RUNX1: variants seen among roughly 807,000 people sequenced by gnomAD.
RUNX1 encodes RUNX family transcription factor 1, also known as runt-related transcription factor 1.
RUNX1 carries 19 observed loss-of-function variants against 42.8 expected under a neutral mutation model. That is an observed-to-expected ratio of 0.44 (90% CI 0.31 to 0.65). The LOEUF is 0.65. Among genes scored for constraint, RUNX1 ranks in the 30% least tolerant of loss-of-function variants. RUNX1 has a pLI of 0.07. For missense variants in RUNX1, 528 were observed against 672.0 expected (o/e 0.79, Z 2.37); for synonymous variants, 271 against 289.4 (o/e 0.94, Z 0.64).
intron 7 of RUNX1, among the ~76,000 whole-genome samples, chr21:34,801,934 G>A (rs1233284716): frequency 6.6e-6 from 1 of 151,878 alleles, no homozygotes; most frequent in Non-Finnish European, 1.5e-5. Flanking sequence ...TGAGCAACTG[G>A]GTGACATTGG....
intron 2 of RUNX1, among the ~76,000 whole-genome samples, chr21:35,000,447 A>T (rs2059033162): frequency 6.6e-6 from 1 of 152,044 alleles, no homozygotes; most frequent in Admixed American, 6.5e-5. Context: ...TCACCGTGTT[A>T]GCCAGGATGG....
chr21:34,798,035 T>G (rs1020359941), intron 8 of RUNX1: 2 of 456,512 alleles, frequency 4.4e-6, no homozygotes, highest in African/African-American at 4.0e-5. Flanking sequence ...GAAGGCATTC[T>G]GTGAAGCTCT....
At chr21:34,924,060 A>G (rs2058374309) in intron 2 of RUNX1, among the ~76,000 whole-genome samples, 1 of 145,350 alleles carries the variant, frequency 6.9e-6, no homozygotes, top group African/African-American at 2.5e-5. Context: ...GGCAGTTCAC[A>G]AGTTGGGGCC....
chr21:34,834,313 C>G (rs1244730282), intron 7 of RUNX1, 97 bp downstream of exon 7: 1 of 1,257,820 alleles, frequency 8.0e-7, no homozygotes, highest in African/African-American at 1.5e-5. Context: ...AAGGGGAAAC[C>G]CCAGTTGGTC....
chr21:34,963,949 T>C (rs2256731), intron 2 of RUNX1, among the ~76,000 whole-genome samples: 82,496 of 152,092 alleles, frequency 0.54, 22,742 homozygotes, highest in African/African-American at 0.63. Flanking sequence ...CAATTTCAAA[T>C]AGATAAAGTT....
intron 7 of RUNX1, 92 bp downstream of exon 7, chr21:34,834,318 T>A: frequency 8.0e-7 from 1 of 1,257,400 alleles, no homozygotes. Flanking sequence ...GAAACCCCAG[T>A]TGGTCTGGGA....
chr21:34,881,236 C>T (rs967060526), intron 4 of RUNX1, among the ~76,000 whole-genome samples: 18 of 152,154 alleles, frequency 1.2e-4, no homozygotes, highest in Admixed American at 5.2e-4. Context: ...CCTCCACTAA[C>T]AGGCTGAACA....
intron 6 of RUNX1, among the ~76,000 whole-genome samples, chr21:34,839,858 G>C (rs74670244): frequency 0.027 from 4,142 of 152,274 alleles, 63 homozygotes; most frequent in African/African-American, 0.04. Flanking sequence ...GCCTGCTTCT[G>C]ATTTGCTGTG....
At chr21:34,984,913 C>T (rs2058873885) in intron 2 of RUNX1, among the ~76,000 whole-genome samples, 1 of 152,172 alleles carries the variant, frequency 6.6e-6, no homozygotes, top group Admixed American at 6.5e-5. Context: ...GTGACAGGAT[C>T]TTCCCAGAGG....
intron 2 of RUNX1, among the ~76,000 whole-genome samples, chr21:34,978,168 G>A (rs1327244256): frequency 6.6e-6 from 1 of 152,154 alleles, no homozygotes; most frequent in Admixed American, 6.5e-5. Context: ...TCGATCTCCT[G>A]ACCTCATGAT....
intron 2 of RUNX1, among the ~76,000 whole-genome samples, chr21:34,993,802 CAG>C (rs1424096592): frequency 7.2e-6 from 1 of 137,998 alleles, no homozygotes; most frequent in African/African-American, 3.5e-5. Context: ...GACACACACA[CAG>C]ACACACACAC....
At chr21:34,871,309 C>A (rs999773906) in intron 5 of RUNX1, among the ~76,000 whole-genome samples, 3 of 152,174 alleles carry the variant, frequency 2.0e-5, no homozygotes, top group Non-Finnish European at 4.4e-5. Flanking sequence ...ATAGTTAATG[C>A]TTACTAGTCA....
chr21:34,990,537 G>A (rs1487041524), intron 2 of RUNX1, among the ~76,000 whole-genome samples: 1 of 152,210 alleles, frequency 6.6e-6, no homozygotes, highest in Non-Finnish European at 1.5e-5. Flanking sequence ...AAGCTTTTGA[G>A]AGGTTGAGCT....
At chr21:34,920,675 T>C (rs1218363989) in intron 2 of RUNX1, among the ~76,000 whole-genome samples, 2 of 152,174 alleles carry the variant, frequency 1.3e-5, no homozygotes, top group African/African-American at 4.8e-5. Flanking sequence ...CCTATTTCTC[T>C]TGTGATGTGA....
chr21:34,940,401 G>A (rs2058517989), intron 2 of RUNX1, among the ~76,000 whole-genome samples: 1 of 152,140 alleles, frequency 6.6e-6, no homozygotes, highest in African/African-American at 2.4e-5. Context: ...AATTTCTCAA[G>A]CGAAGTTCTA....
chr21:35,008,192 C>G lies in RUNX1; in HGVS notation c.58+40650G>C, dbSNP rs369026972. Among the ~76,000 whole-genome samples the G allele has an allele frequency of 9.8e-5, 15 of 152,328 alleles. No homozygotes were observed. In the East Asian group the frequency reaches 1.9e-3, roughly 20 times the overall value. On this transcript the variant is annotated intron_variant, in intron 2 of 8. Transcript: ENST00000675419. ...CCAAAAACTTTCCCTGCCCCTCCCC[C>G]CAACAGAATTGGTTCATCTTCCTAC...
At chr21:34,916,697 G>A (rs2058314582) in intron 2 of RUNX1, among the ~76,000 whole-genome samples, 1 of 152,110 alleles carries the variant, frequency 6.6e-6, no homozygotes, top group Non-Finnish European at 1.5e-5. Flanking sequence ...GCAAAGTCAA[G>A]GAAGAGGGAA....
intron 7 of RUNX1, among the ~76,000 whole-genome samples, chr21:34,831,880 C>T (rs1035802477): frequency 6.6e-6 from 1 of 151,990 alleles, no homozygotes; most frequent in Non-Finnish European, 1.5e-5. Flanking sequence ...ACATGATTAG[C>T]GTAAAACAGC....
chr21:34,994,238 T>TA (rs891941405), intron 2 of RUNX1, among the ~76,000 whole-genome samples: 77 of 148,546 alleles, frequency 5.2e-4, no homozygotes, highest in Middle Eastern at 3.5e-3. Context: ...TTAAGAAAAT[T>TA]AAAAAAAAAA....
Sources: gnomAD v4.1 joint callset for allele counts (sites outside exome capture counted in the v4.1 genomes callset) on GRCh38, gnomAD v4.1.1 for gene constraint, MANE v1.5 for transcripts, NCBI Gene and HGNC (gene_info 2026-07-23, HGNC 2026-07-21) for gene names.